The following LIMK2 variants were observed in gnomAD, a reference collection of about 807,000 sequenced individuals.
The protein encoded by LIMK2 is LIM domain kinase 2.
A neutral mutation model predicts 75.7 loss-of-function variants in LIMK2; 35 were observed. The ratio of observed to expected loss-of-function variants is 0.46; its 90% CI spans 0.35 to 0.61. LIMK2 has a LOEUF of 0.61. Ranked by LOEUF, LIMK2 falls within the 20% of genes least tolerant of loss-of-function variation. LIMK2 has a pLI of 0.00. For synonymous variants in LIMK2, 301 were observed against 319.2 expected (o/e 0.94, Z 0.61); for missense variants, 623 against 831.0 (o/e 0.75, Z 3.08).
rs746497960 is a variant in LIMK2, at chr22:31,267,803, C to T, written c.1156C>T (p.Pro386Ser). Reference protein sequence around the residue: ...EVKVMRSLDHPNVLKFIGVLY... With the variant: ...EVKVMRSLDHSNVLKFIGVLY... The stretch of plus-strand genomic sequence containing the variant: ...GAAAGTGATGCGCAGCCTGGACCAC[C>T]CCAATGTGCTCAAGTTCATTGGTGT... Residue 386 changes from proline to serine, a missense_variant, in exon 10 of 16, where the codon CCC (proline) becomes TCC (serine). This residue lies in a region of LIMK2 where 514 missense variants were observed against 661.3 expected (regional missense o/e 0.78). Coordinates refer to ENST00000331728, the MANE Select transcript of LIMK2 (RefSeq NM_005569.4). 6.2e-7 allele frequency: 1 copy of T among 1,610,492 alleles called. No individual in the cohort carries two copies. The highest frequency in any genetic ancestry group is 8.5e-7 in the Non-Finnish European group (1 of 1,178,644).
intron 9 of LIMK2, among the ~76,000 whole-genome samples, chr22:31,267,379 T>C (rs2048906384): frequency 6.6e-6 from 1 of 152,234 alleles, no homozygotes; most frequent in African/African-American, 2.4e-5. Flanking sequence ...CTCAATGTTA[T>C]AATCCTCACC....
chr22:31,236,019 G>A (rs897369047), intron 2 of LIMK2, among the ~76,000 whole-genome samples: 1 of 152,244 alleles, frequency 6.6e-6, no homozygotes, highest in African/African-American at 2.4e-5. Context: ...GAGAGGCCAG[G>A]CGTAGTGGCT....
chr22:31,248,817 C>T (rs1287346390), intron 2 of LIMK2: 3 of 1,594,266 alleles, frequency 1.9e-6, no homozygotes, highest in Non-Finnish European at 2.6e-6. Context: ...GGCCCCTGGT[C>T]CTGAGAGGAG....
rs773627617 is a variant in LIMK2, at chr22:31,267,883, A to G, written c.1236A>G (p.Thr412=). 9 of 1,606,628 alleles carry G rather than the reference A, an allele frequency of 5.6e-6. No individual in the cohort carries two copies. The East Asian group carries it at 1.6e-4, about 28-fold the overall frequency. The change falls in exon 10 of 16, where the codon ACA becomes ACG. Residue 412 remains threonine (T), a synonymous_variant. Coordinates refer to ENST00000331728, the MANE Select transcript of LIMK2 (RefSeq NM_005569.4). ...NLLTEYIEGG[T]LKDFLRSMDP... is the part of the protein sequence containing the mutation. ...TGACAGAGTACATTGAGGGGGGCAC[A>G]CTGAAGGACTTTCTGCGCAGTATGG...
chr22:31,225,640 G>A (rs1403888776), intron 1 of LIMK2, 80 bp from the exon 2 acceptor site: 1 of 1,022,388 alleles, frequency 9.8e-7, no homozygotes, highest in African/African-American at 1.6e-5. Context: ...TGTTAACTCA[G>A]TCTTATTCTA....
chr22:31,272,949 G>C, intron 13 of LIMK2: 1 of 1,265,004 alleles, frequency 7.9e-7, no homozygotes, highest in Non-Finnish European at 1.0e-6. Context: ...GTGCCTCAGG[G>C]ATCGCTAAGA....
At chr22:31,237,951 A>AG (rs1372520707) in intron 2 of LIMK2, among the ~76,000 whole-genome samples, 1 of 150,234 alleles carries the variant, frequency 6.7e-6, no homozygotes, top group East Asian at 2.0e-4. Flanking sequence ...CTAAAAAAAA[A>AG]AAAAAGTACA....
chr22:31,277,425 A>G, intron 15 of LIMK2: 1 of 1,191,988 alleles, frequency 8.4e-7, no homozygotes. Context: ...TCAAAAAAAA[A>G]AAAAAAAATG....
At position 31,219,712 on chromosome 22, in the gene LIMK2, C is replaced by T. The variant is rs189234313; in HGVS notation, c.17-6008C>T. Among the ~76,000 whole-genome samples the T allele has an allele frequency of 1.1e-3, 163 of 152,326 alleles. 3 individuals are homozygous for T. In the East Asian group the frequency reaches 0.025, roughly 24 times the overall value. On this transcript the variant is annotated intron_variant, in intron 1 of 15. Coordinates refer to ENST00000331728, the MANE Select transcript of LIMK2 (RefSeq NM_005569.4). The stretch of plus-strand genomic sequence containing the variant: ...TCAGCCTCCCGAGTAGCTGGGACTA[C>T]AGGCGCCCATCACCATGCCCGGCTA...
intron 1 of LIMK2, among the ~76,000 whole-genome samples, chr22:31,212,906 A>G (rs1399627215): frequency 2.6e-5 from 4 of 152,084 alleles, no homozygotes; most frequent in Admixed American, 6.5e-5. Context: ...AGGGAAATGG[A>G]GGATGTGACT....
At chr22:31,261,993 G>A in intron 5 of LIMK2, 141 bp from the exon 6 acceptor site, 4 of 679,600 alleles carry the variant, frequency 5.9e-6, no homozygotes, top group Non-Finnish European at 1.1e-5. Flanking sequence ...TGGAAAAGGT[G>A]TTGCCTTTCT....
At chr22:31,259,691 G>C (rs2048818558) in intron 4 of LIMK2, among the ~76,000 whole-genome samples, 198 bp from the exon 5 acceptor site, 1 of 152,168 alleles carries the variant, frequency 6.6e-6, no homozygotes, top group South Asian at 2.1e-4. Flanking sequence ...ACTTGCTGCA[G>C]ATCTAGCTCA....
At chr22:31,244,232 G>C (rs2048647085) in intron 2 of LIMK2, among the ~76,000 whole-genome samples, 1 of 152,196 alleles carries the variant, frequency 6.6e-6, no homozygotes, top group Admixed American at 6.5e-5. Flanking sequence ...GAGGAGTTAT[G>C]CTCATAGGCT....
At chr22:31,268,240 G>A in intron 11 of LIMK2, 40 bp downstream of exon 11, 3 of 1,547,806 alleles carry the variant, frequency 1.9e-6, no homozygotes, top group Non-Finnish European at 2.7e-6. Flanking sequence ...GGCGAGAGTA[G>A]GGAGAGGTGT....
chr22:31,259,646 AC>A (rs984564270), intron 4 of LIMK2, among the ~76,000 whole-genome samples: 1 of 151,896 alleles, frequency 6.6e-6, no homozygotes, highest in Non-Finnish European at 1.5e-5. Flanking sequence ...AGACCATCTC[AC>A]CCCAACCCAG....
At chr22:31,277,814 AAG>A (rs1416918514) in intron 15 of LIMK2, among the ~76,000 whole-genome samples, 12 of 152,182 alleles carry the variant, frequency 7.9e-5, no homozygotes, top group Admixed American at 7.9e-4. Context: ...GCTATGGAAA[AAG>A]AGTCAAGACA....
intron 2 of LIMK2, among the ~76,000 whole-genome samples, chr22:31,229,030 A>T (rs2048502786): frequency 6.6e-6 from 1 of 152,048 alleles, no homozygotes; most frequent in African/African-American, 2.4e-5. Flanking sequence ...GTCTATATAC[A>T]CCTATATGTA....
Position 31,275,212 on chromosome 22 carries a change from A to G in LIMK2, c.1676A>G (p.Asn559Ser). Residue 559 changes from asparagine (N) to serine (S), a missense_variant, in exon 15 of 16, where the codon AAC becomes AGC. Around this residue, in one of 3 missense-constraint regions of LIMK2, gnomAD observed 63 missense variants for 122.8 expected, o/e 0.51. Coordinates refer to ENST00000331728, the MANE Select transcript of LIMK2 (RefSeq NM_005569.4). The stretch of plus-strand genomic sequence containing the variant: ...CCCCGAACACTGGACTTTGGCCTCA[A>G]CGTGAAGCTTTTCTGGGAGAAGTTT... The part of the protein sequence containing the change: ...CLPRTLDFGL[N>S]VKLFWEKFVP... 6.2e-7 allele frequency: 1 copy of G among 1,614,192 alleles called. No homozygotes were observed. The highest frequency in any genetic ancestry group is 8.5e-7 in the Non-Finnish European group (1 of 1,180,032).
chr22:31,221,977 T>G (rs1433627536), intron 1 of LIMK2, among the ~76,000 whole-genome samples: 2 of 152,208 alleles, frequency 1.3e-5, no homozygotes, highest in Admixed American at 6.5e-5. Context: ...TGAGACAGTT[T>G]CAGAGAAATG....
Sources: allele counts gnomAD v4.1 joint callset (sites outside exome capture counted in the v4.1 genomes callset), GRCh38; gene constraint gnomAD v4.1.1; regional missense constraint gnomAD v4.1.1; transcripts MANE v1.5; gene names NCBI Gene and HGNC (gene_info 2026-07-23, HGNC 2026-07-21).